Variants in CASD1 observed in about 807,000 individuals in gnomAD.
CASD1 encodes N-acetylneuraminate (7)9-O-acetyltransferase.
A neutral mutation model predicts 100.0 loss-of-function variants in CASD1; 41 were observed. The ratio of observed to expected loss-of-function variants is 0.41; its 90% CI spans 0.32 to 0.53. The LOEUF (loss-of-function observed/expected upper bound fraction) is 0.53. Ranked by LOEUF, CASD1 falls within the 20% of genes least tolerant of loss-of-function variation. The pLI is 0.25. For missense variants in CASD1, 774 were observed against 948.7 expected, an observed-to-expected ratio of 0.82 and a Z score of 2.42; for synonymous variants, 321 against 315.6, an observed-to-expected ratio of 1.02 and a Z score of -0.18.
intron 1 of CASD1, among the ~76,000 whole-genome samples, chr7:94,513,390 C>T (rs1344984586): frequency 2.0e-5 from 3 of 150,834 alleles, no homozygotes; most frequent in African/African-American, 7.3e-5. Flanking sequence ...TTGTGTAAAG[C>T]TTCAAAATCT....
chr7:94,587,276 C>G, the CASD1 span: 1 of 987,820 alleles, frequency 1.0e-6, no homozygotes. Context: ...ACAAATTGCC[C>G]TAATATCATC....
At chr7:94,546,318 A>G (rs1288134638) in intron 12 of CASD1, among the ~76,000 whole-genome samples, 2 of 152,032 alleles carry the variant, frequency 1.3e-5, no homozygotes, top group Non-Finnish European at 2.9e-5. Flanking sequence ...GTGAGGCCAC[A>G]GTCACTTATC....
At chr7:94,532,757 A>G (rs1342527901) in intron 5 of CASD1, among the ~76,000 whole-genome samples, 1 of 152,122 alleles carries the variant, frequency 6.6e-6, no homozygotes, top group African/African-American at 2.4e-5. Flanking sequence ...TTAAATATGC[A>G]TTGGATTTCA....
chr7:94,533,158 T>C, intron 5 of CASD1, 47 bp from the exon 6 acceptor site: 1 of 1,391,088 alleles, frequency 7.2e-7, no homozygotes, highest in Non-Finnish European at 1.0e-6. Flanking sequence ...TTGTAGTAAT[T>C]CCCTGAACTG....
the CASD1 span, among the ~76,000 whole-genome samples, chr7:94,571,162 G>A: frequency 6.6e-6 from 1 of 151,550 alleles, no homozygotes; most frequent in Admixed American, 6.6e-5. Context: ...TCCCACTGCA[G>A]CCTCCCAAGT....
intron 1 of CASD1, 73 bp downstream of exon 1, chr7:94,510,290 A>C (rs899800670): frequency 8.4e-5 from 98 of 1,160,566 alleles, no homozygotes; most frequent in Non-Finnish European, 1.1e-4. Context: ...GGCCGCCCCC[A>C]TCGCCCAACA....
chr7:94,526,502 C>T (rs1041330831), intron 3 of CASD1, among the ~76,000 whole-genome samples: 4 of 152,202 alleles, frequency 2.6e-5, no homozygotes, highest in African/African-American at 9.6e-5. Flanking sequence ...AATAGTAATA[C>T]AAGTGCTGGG....
Position 94,517,505 on chromosome 7 carries a change from C to T in CASD1, c.134-55C>T, listed in dbSNP as rs547606503. On this transcript the variant is annotated intron_variant, in intron 1 of 17. Coordinates refer to ENST00000297273, the MANE Select transcript of CASD1 (RefSeq NM_022900.5). ...GGAACTTATATAGGGTCAAGATAGC[C>T]GATGTGTAAAATTTTAACTATTGTT... The T allele has an allele frequency of 8.8e-5, 96 of 1,085,002 alleles. 2 individuals are homozygous for T. The South Asian group carries it at 1.2e-3, about 13-fold the overall frequency. 67.2% of individuals were successfully genotyped at this position (1,085,002 alleles called of 1,614,324 possible). A position where few individuals can be genotyped will look rare whatever the true frequency, so the allele number is the denominator to read the frequency against.
the CASD1 span, chr7:94,626,105 G>A: frequency 6.6e-6 from 1 of 151,958 alleles, no homozygotes; most frequent in Non-Finnish European, 1.5e-5. Flanking sequence ...GTTTATTGGC[G>A]TTTGTGTCTC....
chr7:94,633,701 A>G, the CASD1 span, among the ~76,000 whole-genome samples: 1 of 152,188 alleles, frequency 6.6e-6, no homozygotes, highest in African/African-American at 2.4e-5. Flanking sequence ...CTCTCTCTCC[A>G]TAATGAAAAT....
chr7:94,550,187 C>G (rs566099887), intron 14 of CASD1, among the ~76,000 whole-genome samples: 11 of 152,192 alleles, frequency 7.2e-5, no homozygotes, highest in African/African-American at 2.6e-4. Flanking sequence ...TTCAATTGGC[C>G]AGGAAAATGT....
At chr7:94,564,414 C>T in the CASD1 span, among the ~76,000 whole-genome samples, 14 of 152,190 alleles carry the variant, frequency 9.2e-5, no homozygotes, top group Admixed American at 9.2e-4. Context: ...TTCCATCACC[C>T]CTGGGATAAG....
chr7:94,536,311 T>G (rs1368254886), intron 8 of CASD1, among the ~76,000 whole-genome samples: 1 of 152,188 alleles, frequency 6.6e-6, no homozygotes, highest in African/African-American at 2.4e-5. Context: ...GAGTACATAC[T>G]GAACAAATCC....
the CASD1 span, among the ~76,000 whole-genome samples, chr7:94,608,974 T>C: frequency 6.6e-6 from 1 of 152,140 alleles, no homozygotes; most frequent in Admixed American, 6.5e-5. Flanking sequence ...TAGAAGATAA[T>C]AGAGGAGAAA....
chr7:94,578,038 C>G, the CASD1 span, among the ~76,000 whole-genome samples: 1 of 152,092 alleles, frequency 6.6e-6, no homozygotes, highest in African/African-American at 2.4e-5. Context: ...GGTAAAGTGC[C>G]ATGAAGCTTG....
the CASD1 span, chr7:94,626,306 C>A: frequency 6.6e-6 from 1 of 151,940 alleles, no homozygotes; most frequent in African/African-American, 2.4e-5. Flanking sequence ...TAAATTTTTT[C>A]TCTTAAAAAT....
At chr7:94,553,670 T>A (rs1796058875) in intron 16 of CASD1, among the ~76,000 whole-genome samples, 1 of 152,084 alleles carries the variant, frequency 6.6e-6, no homozygotes, top group Non-Finnish European at 1.5e-5. Context: ...GAGGGTACAT[T>A]CTAAGGCAAG....
chr7:94,594,595 A>G, the CASD1 span: 1 of 152,076 alleles, frequency 6.6e-6, no homozygotes, highest in South Asian at 2.1e-4. Flanking sequence ...CATCTGAAAA[A>G]AGTCTGAAGT....
chr7:94,570,837 A>G, the CASD1 span, among the ~76,000 whole-genome samples: 1 of 152,154 alleles, frequency 6.6e-6, no homozygotes, highest in Non-Finnish European at 1.5e-5. Context: ...AAGTGGAGAT[A>G]TAAAGCAAAA....
Sources: gnomAD v4.1 joint callset for allele counts (sites outside exome capture counted in the v4.1 genomes callset) on GRCh38, gnomAD v4.1.1 for gene constraint, MANE v1.5 for transcripts, NCBI Gene and HGNC (gene_info 2026-07-23, HGNC 2026-07-21) for gene names.